Variants in MCPH1 observed in about 807,000 individuals in gnomAD.
MCPH1 encodes the protein microcephalin 1.
In MCPH1, 104 loss-of-function variants were observed where a neutral mutation model predicts 84.5. That is an observed-to-expected ratio of 1.23 (90% confidence interval 1.05 to 1.45). MCPH1 has a LOEUF of 1.45. Among genes scored for constraint, MCPH1 ranks in the 40% most tolerant of loss-of-function variants. The probability of loss-of-function intolerance (pLI) is 0.00; values close to 1 mark genes in which losing one functional copy is unlikely to be tolerated. For missense variants in MCPH1, 1,498 were observed against 1,005.7 expected (o/e 1.49, Z -6.62); for synonymous variants, 514 against 366.8 (o/e 1.40, Z -4.58).
At chr8:6,630,573 G>A (rs1172544912) in intron 13 of MCPH1, among the ~76,000 whole-genome samples, 2 of 152,140 alleles carry the variant, frequency 1.3e-5, no homozygotes, top group Non-Finnish European at 2.9e-5. Flanking sequence ...CTTGAGGTCA[G>A]GAACTAGAGA....
intron 9 of MCPH1, among the ~76,000 whole-genome samples, chr8:6,476,127 G>A (rs934690189): frequency 2.6e-5 from 4 of 152,112 alleles, no homozygotes; most frequent in Admixed American, 2.0e-4. Context: ...TAATTTGTAA[G>A]CTGTAATTCT....
chr8:6,579,597 A>T (rs1418534840), intron 12 of MCPH1, among the ~76,000 whole-genome samples: 1 of 152,192 alleles, frequency 6.6e-6, no homozygotes, highest in Non-Finnish European at 1.5e-5. Context: ...CTTTTTGCTC[A>T]TGCTTTTGTT....
chr8:6,529,160 A>G (rs2129571105), intron 12 of MCPH1, among the ~76,000 whole-genome samples: 1 of 152,332 alleles, frequency 6.6e-6, no homozygotes, highest in South Asian at 2.1e-4. Flanking sequence ...TCTGGAGAGC[A>G]TCAAACCGCT....
chr8:6,409,971 G>C (rs1175609063), intron 2 of MCPH1, among the ~76,000 whole-genome samples: 2 of 149,062 alleles, frequency 1.3e-5, no homozygotes, highest in African/African-American at 5.1e-5. Context: ...TCAAAGTAGG[G>C]AGTAATTTTT....
rs1798074181 is a variant in MCPH1 at position 6,643,680 on chromosome 8, A to T, written c.*631A>T. 6.4e-6 allele frequency: 1 copy of T among 155,048 alleles called. No homozygotes were observed. Among genetic ancestry groups the T allele is most frequent in the Admixed American group, 6.3e-5 (1 of 15,938 alleles). 9.6% of individuals were successfully genotyped at this position (155,048 alleles called of 1,614,324 possible). A position where few individuals can be genotyped will look rare whatever the true frequency, so the allele number is the denominator to read the frequency against. ...GAACTCTGCAAGTTTCTTGGCTTAG[A>T]CTCGATCTTTATTAATACATTATCT... On this transcript the variant is annotated 3_prime_UTR_variant, in exon 14 of 14. Coordinates refer to ENST00000344683, the MANE Select transcript of MCPH1 (RefSeq NM_024596.5).
At position 6,444,446 on chromosome 8, in the gene MCPH1, T is replaced by A. The variant is rs767149668; in HGVS notation, c.724T>A (p.Ser242Thr). ...HSSFDDLCGN[S>T]GCGNQERKLE... The stretch of plus-strand genomic sequence containing the variant: ...ATCTTTTGATGATCTTTGTGGAAAC[T>A]CAGGATGTGGAAATCAGGAAAGGAA... Residue 242 changes from serine to threonine, a missense_variant, in exon 8 of 14, where the codon TCA becomes ACA. Ser to Thr is a moderately conservative substitution (Grantham distance 58). Coordinates refer to ENST00000344683, the MANE Select transcript of MCPH1 (RefSeq NM_024596.5). The A allele has an allele frequency of 1.2e-6, 2 of 1,614,202 alleles. No individual in the cohort carries two copies. The highest frequency in any genetic ancestry group is 2.2e-5 in the South Asian group (2 of 91,086).
At chr8:6,411,111 C>T (rs78103271) in intron 2 of MCPH1, among the ~76,000 whole-genome samples, 4,629 of 152,092 alleles carry the variant, frequency 0.03, 253 homozygotes, top group African/African-American at 0.1. Flanking sequence ...AAAATAGGCA[C>T]TAGTAGGATC....
At chr8:6,543,095 C>A (rs941877162) in intron 12 of MCPH1, among the ~76,000 whole-genome samples, 28 of 151,966 alleles carry the variant, frequency 1.8e-4, no homozygotes, top group African/African-American at 6.3e-4. Context: ...GGACAGAAAC[C>A]CCCGCAACTC....
At chr8:6,523,790 T>G (rs1817817020) in intron 12 of MCPH1, among the ~76,000 whole-genome samples, 1 of 152,166 alleles carries the variant, frequency 6.6e-6, no homozygotes, top group Non-Finnish European at 1.5e-5. Context: ...GGTTTCATTA[T>G]GTTGTCCAGG....
intron 12 of MCPH1, chr8:6,514,781 G>C (rs775975956): frequency 6.2e-7 from 1 of 1,613,492 alleles, no homozygotes; most frequent in Non-Finnish European, 8.5e-7. Flanking sequence ...CAGTAGGCCT[G>C]CAAACAGGAA....
chr8:6,632,275 C>T (rs966361647), intron 13 of MCPH1, among the ~76,000 whole-genome samples: 13 of 152,302 alleles, frequency 8.5e-5, no homozygotes, highest in East Asian at 1.9e-4. Context: ...GATGGCTGCA[C>T]AGCATTGCGA....
At chr8:6,411,358 A>G (rs901042425) in intron 2 of MCPH1, among the ~76,000 whole-genome samples, 4 of 152,202 alleles carry the variant, frequency 2.6e-5, no homozygotes, top group African/African-American at 9.6e-5. Context: ...ATATAGAAAT[A>G]AATAAATAAA....
chr8:6,417,454 G>C (rs1352585029), intron 3 of MCPH1, among the ~76,000 whole-genome samples: 4 of 152,142 alleles, frequency 2.6e-5, no homozygotes, highest in African/African-American at 9.7e-5. Flanking sequence ...TCCTTTCTGT[G>C]TAATACACCT....
chr8:6,612,585 A>G (rs1348585974), intron 12 of MCPH1, among the ~76,000 whole-genome samples: 1 of 152,102 alleles, frequency 6.6e-6, no homozygotes, highest in African/African-American at 2.4e-5. Context: ...CCTGACCCCC[A>G]CTGCGTCCGG....
chr8:6,618,991 CTGTTTA>C (rs1400792101), intron 12 of MCPH1: 1 of 152,190 alleles, frequency 6.6e-6, no homozygotes, highest in Admixed American at 6.5e-5. Context: ...TGCTTTGCAT[CTGTTTA>C]TAACAGTGAG....
At position 6,627,441 on chromosome 8, in the gene MCPH1, G is replaced by C. The variant is rs572641976; in HGVS notation, c.2452+5750G>C. 1.4e-5 allele frequency: 3 copies of C among 211,354 alleles called. No homozygotes were observed. In the East Asian group the frequency reaches 5.5e-4, roughly 39 times the overall value. 13.1% of individuals were successfully genotyped at this position (211,354 alleles called of 1,614,324 possible). ...GGAGCTCAGCAACCGCTCAGAAAAT[G>C]TTTGTGGAATTCAAAGACACAATTC... On this transcript the variant is annotated intron_variant, in intron 13 of 13. Coordinates refer to ENST00000344683, the MANE Select transcript of MCPH1 (RefSeq NM_024596.5).
At chr8:6,641,909 T>A (rs1343354346) in intron 13 of MCPH1, among the ~76,000 whole-genome samples, 1 of 152,184 alleles carries the variant, frequency 6.6e-6, no homozygotes, top group African/African-American at 2.4e-5. Context: ...GTTCCTCCCT[T>A]CTGAAATTCA....
chr8:6,596,321 A>C (rs2442574), intron 12 of MCPH1, among the ~76,000 whole-genome samples: 151,413 of 152,308 alleles, frequency 0.99, 75,268 homozygotes, highest in Middle Eastern at 1. Context: ...TTCTTCTTAG[A>C]CTCTGCTGCA....
At chr8:6,537,789 G>T (rs940751308) in intron 12 of MCPH1, among the ~76,000 whole-genome samples, 2 of 152,022 alleles carry the variant, frequency 1.3e-5, no homozygotes, top group Non-Finnish European at 2.9e-5. Flanking sequence ...AACTGGCTCA[G>T]TAAAGGAAAA....
Sources: allele counts gnomAD v4.1 joint callset (sites outside exome capture counted in the v4.1 genomes callset), GRCh38; gene constraint gnomAD v4.1.1; transcripts MANE v1.5; gene names NCBI Gene and HGNC (gene_info 2026-07-23, HGNC 2026-07-21).